TPH2: variants seen among roughly 807,000 people sequenced by gnomAD.
TPH2 encodes the protein tryptophan hydroxylase 2.
A neutral mutation model predicts 59.1 loss-of-function variants in TPH2; 27 were observed. The ratio of observed to expected loss-of-function variants is 0.46; its 90% CI spans 0.34 to 0.63. The LOEUF is 0.63. Among genes scored for constraint, TPH2 ranks in the 30% least tolerant of loss-of-function variants. The pLI is 0.01. For synonymous variants in TPH2, 220 were observed against 210.5 expected, an observed-to-expected ratio of 1.05 and a Z score of -0.39; for missense variants, 523 against 588.3, an observed-to-expected ratio of 0.89 and a Z score of 1.15.
chr12:71,952,332 G>A (rs747766790), intron 5 of TPH2, among the ~76,000 whole-genome samples: 1 of 152,148 alleles, frequency 6.6e-6, no homozygotes, highest in Non-Finnish European at 1.5e-5. Flanking sequence ...GGATGGAGCT[G>A]GGGCATTCCA....
chr12:71,947,976 A>G (rs751178861), intron 4 of TPH2, among the ~76,000 whole-genome samples: 1 of 151,980 alleles, frequency 6.6e-6, no homozygotes, highest in Non-Finnish European at 1.5e-5. Flanking sequence ...TCCTTTTGTC[A>G]TGGCCTGTTT....
In TPH2 at chr12:72,031,373, A is replaced by G; in HGVS notation, c.1280A>G (p.Glu427Gly). ...TACTTTGTTTCAGAAAGTTTTGAAG[A>G]AGCCAAAGAAAAGATGAGGTAAACT... is the stretch of plus-strand genomic sequence containing the variant. ...EAYFVSESFEEAKEKMRDFAK... is the reference protein window; with the variant it reads ...EAYFVSESFEGAKEKMRDFAK... Residue 427 changes from glutamate (E) to glycine (G), a missense_variant, in exon 10 of 11, where the codon GAA (glutamate) becomes GGA (glycine). Coordinates refer to ENST00000333850, the MANE Select transcript of TPH2 (RefSeq NM_173353.4). The G allele has an allele frequency of 6.2e-7, 1 of 1,613,726 alleles. No homozygotes were observed. The highest frequency in any genetic ancestry group is 8.5e-7 in the Non-Finnish European group (1 of 1,179,652).
chr12:71,939,727 G>C (rs1233677438), intron 1 of TPH2, among the ~76,000 whole-genome samples: 1 of 152,100 alleles, frequency 6.6e-6, no homozygotes, highest in Non-Finnish European at 1.5e-5. Flanking sequence ...GGAGTTTTAT[G>C]TTTATAATAT....
At chr12:72,003,380 G>A (rs1350945765) in intron 8 of TPH2, among the ~76,000 whole-genome samples, 1 of 152,144 alleles carries the variant, frequency 6.6e-6, no homozygotes, top group Non-Finnish European at 1.5e-5. Flanking sequence ...TTATTTTTAA[G>A]AGTAACTTAA....
At chr12:71,961,152 C>G (rs181269347) in intron 5 of TPH2, among the ~76,000 whole-genome samples, 54 of 152,258 alleles carry the variant, frequency 3.5e-4, no homozygotes, top group Non-Finnish European at 1.9e-4. Flanking sequence ...AGAGTGGGGT[C>G]TCTAGAGCTA....
chr12:72,017,285 T>A (rs1451147515), intron 8 of TPH2, among the ~76,000 whole-genome samples: 2 of 152,150 alleles, frequency 1.3e-5, no homozygotes, highest in African/African-American at 4.8e-5. Context: ...TATCTCATTT[T>A]CCTAAGCACA....
chr12:71,982,914 A>G (rs12301662), intron 7 of TPH2, among the ~76,000 whole-genome samples: 1 of 152,106 alleles, frequency 6.6e-6, no homozygotes, highest in Non-Finnish European at 1.5e-5. Context: ...TTCAACACAC[A>G]TTGGATTTTA....
chr12:71,986,443 C>T (rs1019810730), intron 7 of TPH2, among the ~76,000 whole-genome samples: 4 of 152,034 alleles, frequency 2.6e-5, no homozygotes, highest in Admixed American at 2.6e-4. Context: ...CTTATAGAGC[C>T]TTTTGTCTAA....
chr12:72,030,833 T>C (rs1233998395), intron 9 of TPH2, among the ~76,000 whole-genome samples: 1 of 152,128 alleles, frequency 6.6e-6, no homozygotes, highest in African/African-American at 2.4e-5. Context: ...TCCATGCAGA[T>C]AATTATTACT....
At chr12:72,000,762 C>A (rs185163345) in intron 8 of TPH2, among the ~76,000 whole-genome samples, 76 of 152,296 alleles carry the variant, frequency 5.0e-4, no homozygotes, top group African/African-American at 1.8e-3. Flanking sequence ...TGAAAACAGA[C>A]CTTTCATCTA....
intron 8 of TPH2, among the ~76,000 whole-genome samples, chr12:72,018,183 A>G (rs1388502121): frequency 6.6e-6 from 1 of 152,190 alleles, no homozygotes; most frequent in Non-Finnish European, 1.5e-5. Context: ...AGGGAAAGGT[A>G]GATAGGGAAT....
chr12:71,978,955 G>T lies in TPH2; in HGVS notation c.809G>T (p.Arg270Met). 6.2e-7 allele frequency: 1 copy of T among 1,614,126 alleles called. No individual in the cohort carries two copies. Among genetic ancestry groups the T allele is most frequent in the Non-Finnish European group, 8.5e-7 (1 of 1,180,024 alleles). The change falls in exon 7 of 11, where the codon AGG (arginine) becomes ATG (methionine). Residue 270 changes from arginine to methionine, a missense_variant. By Grantham distance (91) the Arg-to-Met change is moderately conservative. Transcript: ENST00000333850. Reference sequence around the variant, plus strand: ...GCTTTTTCTGTTGCCTTTTTAGAAAGGTCTGGCTTCACGGTGAGGCCGGTG... The same window carrying T: ...GCTTTTTCTGTTGCCTTTTTAGAAATGTCTGGCTTCACGGTGAGGCCGGTG... ...LEDVSMFLKERSGFTVRPVAG... is the reference protein window; with the variant it reads ...LEDVSMFLKEMSGFTVRPVAG...
At chr12:71,976,733 G>A (rs1030874414) in intron 6 of TPH2, among the ~76,000 whole-genome samples, 1 of 152,148 alleles carries the variant, frequency 6.6e-6, no homozygotes, top group African/African-American at 2.4e-5. Context: ...TTTCCAGCAG[G>A]TACCAGAAAT....
At chr12:71,952,868 C>G (rs74104736) in intron 5 of TPH2, among the ~76,000 whole-genome samples, 1 of 152,152 alleles carries the variant, frequency 6.6e-6, no homozygotes. Flanking sequence ...CAACACATGA[C>G]CAATGATTAT....
At chr12:71,994,879 A>G (rs950655343) in intron 8 of TPH2, among the ~76,000 whole-genome samples, 1 of 152,342 alleles carries the variant, frequency 6.6e-6, no homozygotes, top group Non-Finnish European at 1.5e-5. Context: ...GAAAGCAGCC[A>G]CAGACAACAA....
rs750891513 is a variant in TPH2 at position 71,941,703 on chromosome 12, T to C, written c.225T>C (p.Gly75=). The C allele has an allele frequency of 6.2e-7, 1 of 1,614,062 alleles. No individual in the cohort carries two copies. The highest frequency in any genetic ancestry group is 8.5e-7 in the Non-Finnish European group (1 of 1,179,940). ...AVVFSLKNEV[G]GLVKALRLFQ... is the part of the protein sequence containing the mutation. Reference sequence around the variant, plus strand: ...TTTTCTCCTTGAAGAATGAAGTTGGTGGATTGGTAAAAGCACTGAGGCTCT... The same window carrying C: ...TTTTCTCCTTGAAGAATGAAGTTGGCGGATTGGTAAAAGCACTGAGGCTCT... Residue 75 remains glycine (G), a synonymous_variant, in exon 2 of 11, where the codon GGT becomes GGC. Transcript: ENST00000333850.
chr12:72,030,881 G>A (rs1037450120), intron 9 of TPH2, among the ~76,000 whole-genome samples: 2 of 152,082 alleles, frequency 1.3e-5, no homozygotes, highest in African/African-American at 4.8e-5. Flanking sequence ...ATTGCTTATA[G>A]CAATAAATTT....
At chr12:71,983,777 G>C (rs867675419) in intron 7 of TPH2, among the ~76,000 whole-genome samples, 4 of 146,544 alleles carry the variant, frequency 2.7e-5, no homozygotes, top group South Asian at 2.3e-4. Context: ...GACACACACA[G>C]AGAGAGAGAG....
chr12:71,976,573 G>T (rs115013574), intron 6 of TPH2, among the ~76,000 whole-genome samples: 2 of 152,122 alleles, frequency 1.3e-5, no homozygotes, highest in Admixed American at 6.5e-5. Context: ...CCACATGTGG[G>T]ATATACTGGC....
Sources: allele counts gnomAD v4.1 joint callset (sites outside exome capture counted in the v4.1 genomes callset), GRCh38; gene constraint gnomAD v4.1.1; transcripts MANE v1.5; gene names NCBI Gene and HGNC (gene_info 2026-07-23, HGNC 2026-07-21).